The following ERC2 variants were observed in gnomAD, a reference collection of about 807,000 sequenced individuals.
ERC2 encodes the protein ERC protein 2.
In ERC2, 42 loss-of-function variants were observed where a neutral mutation model predicts 114.8. The ratio of observed to expected loss-of-function variants is 0.37; its 90% CI spans 0.29 to 0.47. The LOEUF is 0.47. ERC2 is among the 20% of genes least tolerant of loss of function. The probability of loss-of-function intolerance (pLI) is 0.99; values close to 1 mark genes in which losing one functional copy is unlikely to be tolerated. For synonymous variants in ERC2, 454 were observed against 425.5 expected, an observed-to-expected ratio of 1.07 and a Z score of -0.82; for missense variants, 939 against 1,150.7, an observed-to-expected ratio of 0.82 and a Z score of 2.66.
Position 56,459,527 on chromosome 3 carries a change from CCACACACACACACACA to C in ERC2, c.-141+8705_-141+8720del, listed in dbSNP as rs58270143. ...GGAAAAGAGAGCTAATGCTATCAGA[CCACACACACACACACA>C]CACACACACACACTCACACAGGATA... On this transcript the variant is annotated intron_variant, in intron 1 of 17. Transcript: ENST00000288221. Among the ~76,000 whole-genome samples, 10 of 150,732 alleles carry C rather than the reference CCACACACACACACACA, an allele frequency of 6.6e-5. No homozygotes were observed. In the South Asian group the frequency reaches 1.5e-3, roughly 22 times the overall value.
At chr3:56,051,276 G>T (rs1265849962) in intron 7 of ERC2, among the ~76,000 whole-genome samples, 1 of 148,410 alleles carries the variant, frequency 6.7e-6, no homozygotes, top group East Asian at 2.0e-4. Flanking sequence ...ACATTTACCA[G>T]CAGATTAAGA....
chr3:56,444,125 C>T (rs1050705522), intron 1 of ERC2, among the ~76,000 whole-genome samples: 1 of 149,908 alleles, frequency 6.7e-6, no homozygotes, highest in Non-Finnish European at 1.5e-5. Context: ...CCACACCTGG[C>T]TAATTTTTTT....
chr3:56,136,417 A>G (rs2080508863), intron 6 of ERC2, among the ~76,000 whole-genome samples: 1 of 151,384 alleles, frequency 6.6e-6, no homozygotes, highest in Non-Finnish European at 1.5e-5. Flanking sequence ...GATGAGCACC[A>G]TATCTTTTTT....
chr3:56,065,142 G>T (rs1308355710), intron 7 of ERC2, among the ~76,000 whole-genome samples: 1 of 152,076 alleles, frequency 6.6e-6, no homozygotes, highest in African/African-American at 2.4e-5. Flanking sequence ...CTGTAATAAA[G>T]GCTCATTTCC....
At chr3:55,689,707 C>T (rs1215331763) in intron 16 of ERC2, among the ~76,000 whole-genome samples, 2 of 151,584 alleles carry the variant, frequency 1.3e-5, no homozygotes, top group Non-Finnish European at 2.9e-5. Flanking sequence ...GCAGGAGAAT[C>T]GCTTGAACCT....
intron 7 of ERC2, among the ~76,000 whole-genome samples, chr3:56,039,831 T>C (rs6792281): frequency 0.14 from 20,692 of 152,134 alleles, 1,675 homozygotes; most frequent in South Asian, 0.23. Context: ...AAATTCCAAA[T>C]ATAAATCCAT....
intron 14 of ERC2, among the ~76,000 whole-genome samples, chr3:55,782,847 T>G (rs2069168788): frequency 6.6e-6 from 1 of 152,230 alleles, no homozygotes; most frequent in South Asian, 2.1e-4. Context: ...ACTGACAGTT[T>G]AAATAGCAGA....
rs539343791 is a variant in ERC2, at chr3:55,923,521, C to T, written c.2403+26904G>A. ...AAATGTTATGTTATATATATTTTGCCACAATAAAAAAAAAGTTGGTTCAGA... is the reference window on the plus strand; with the variant it reads ...AAATGTTATGTTATATATATTTTGCTACAATAAAAAAAAAGTTGGTTCAGA... On this transcript the variant is annotated intron_variant, in intron 13 of 17. Transcript: ENST00000288221. 2.0e-5 allele frequency among the ~76,000 whole-genome samples: 3 copies of T among 151,510 alleles called. No homozygotes were observed. The South Asian group carries it at 6.3e-4, about 32-fold the overall frequency.
chr3:55,950,971 C>T (rs1233310701), intron 12 of ERC2, among the ~76,000 whole-genome samples: 1 of 152,122 alleles, frequency 6.6e-6, no homozygotes, highest in African/African-American at 2.4e-5. Context: ...GGAAAGCCTC[C>T]CTAGCAAAGT....
intron 15 of ERC2, among the ~76,000 whole-genome samples, chr3:55,707,597 G>T (rs924683319): frequency 6.6e-6 from 1 of 152,304 alleles, no homozygotes; most frequent in Non-Finnish European, 1.5e-5. Flanking sequence ...AGTTCTATGT[G>T]CTCTGCTCAT....
chr3:55,781,554 A>G (rs73076947), intron 14 of ERC2, among the ~76,000 whole-genome samples: 24,023 of 151,486 alleles, frequency 0.16, 2,098 homozygotes, highest in East Asian at 0.23. Context: ...AGAAAGTCTG[A>G]GGAGATGAAA....
intron 1 of ERC2, among the ~76,000 whole-genome samples, chr3:56,463,381 C>G (rs539153954): frequency 4.6e-5 from 7 of 152,234 alleles, no homozygotes; most frequent in Non-Finnish European, 7.3e-5. Flanking sequence ...GTCTCACTCA[C>G]TACATTTTCA....
intron 16 of ERC2, among the ~76,000 whole-genome samples, chr3:55,690,593 C>T (rs1432348428): frequency 1.3e-5 from 2 of 152,092 alleles, no homozygotes; most frequent in Non-Finnish European, 2.9e-5. Context: ...CTTAATGTAA[C>T]CCTAATACTG....
intron 4 of ERC2, among the ~76,000 whole-genome samples, chr3:56,165,481 A>G (rs1575650635): frequency 1.1e-5 from 1 of 90,710 alleles, no homozygotes; most frequent in East Asian, 3.5e-4. Context: ...TCCCCCCTGC[A>G]TATGGCAATA....
At position 56,134,763 on chromosome 3, in the gene ERC2, G is replaced by A. The variant is rs113773363; in HGVS notation, c.1473+4746C>T. ...GACAAGTATTATAGAATCCTTCTCTGGCTTATTTGGGACAGAAATTAGCAT... is the reference window on the plus strand; with the variant it reads ...GACAAGTATTATAGAATCCTTCTCTAGCTTATTTGGGACAGAAATTAGCAT... On this transcript the variant is annotated intron_variant, in intron 6 of 17. Transcript: ENST00000288221. 9.6e-3 allele frequency among the ~76,000 whole-genome samples: 1,463 copies of A among 152,044 alleles called. 29 individuals are homozygous for A. Among genetic ancestry groups the A allele is most frequent in the African/African-American group, 0.034 (1,407 of 41,482 alleles).
intron 2 of ERC2, among the ~76,000 whole-genome samples, chr3:56,381,700 A>C (rs745909624): frequency 8.7e-5 from 13 of 150,228 alleles, no homozygotes; most frequent in Non-Finnish European, 1.8e-4. Flanking sequence ...GAAGGAAGGA[A>C]GGAAAGAGAG....
At chr3:55,533,087 A>C (rs1424152148) in intron 17 of ERC2, among the ~76,000 whole-genome samples, 1 of 152,252 alleles carries the variant, frequency 6.6e-6, no homozygotes. Context: ...CACTGGAAGG[A>C]CCACAGGGTA....
intron 2 of ERC2, among the ~76,000 whole-genome samples, chr3:56,298,832 A>C (rs182449873): frequency 1.3e-5 from 2 of 152,312 alleles, no homozygotes; most frequent in African/African-American, 2.4e-5. Context: ...TTCACACTGT[A>C]AATGAGTGAA....
At chr3:56,229,354 T>C (rs1204310765) in intron 3 of ERC2, among the ~76,000 whole-genome samples, 1 of 152,216 alleles carries the variant, frequency 6.6e-6, no homozygotes, top group Non-Finnish European at 1.5e-5. Flanking sequence ...CTTAGAGCTA[T>C]CATTCTTAAA....
Sources: allele counts gnomAD v4.1 joint callset (sites outside exome capture counted in the v4.1 genomes callset), GRCh38; gene constraint gnomAD v4.1.1; transcripts MANE v1.5; gene names NCBI Gene and HGNC (gene_info 2026-07-23, HGNC 2026-07-21).